The following PTPRQ variants were observed in gnomAD, a reference collection of about 807,000 sequenced individuals.
PTPRQ encodes the protein phosphatidylinositol phosphatase PTPRQ.
In PTPRQ, 199 loss-of-function variants were observed where a neutral mutation model predicts 246.0. The observed-to-expected ratio is 0.81, with a 90% CI of 0.72 to 0.91. The LOEUF is 0.91. Among genes scored for constraint, PTPRQ ranks in the 40% least tolerant of loss-of-function variants. PTPRQ has a pLI of 0.00. For missense variants in PTPRQ, 2,624 were observed against 2,528.4 expected (o/e 1.04, Z -0.81); for synonymous variants, 869 against 853.2 (o/e 1.02, Z -0.32).
At chr12:80,527,008 C>T (rs1334477596) in intron 17 of PTPRQ, among the ~76,000 whole-genome samples, 1 of 151,932 alleles carries the variant, frequency 6.6e-6, no homozygotes, top group African/African-American at 2.4e-5. Flanking sequence ...GACATTCCAC[C>T]ACTGATTATA....
intron 8 of PTPRQ, among the ~76,000 whole-genome samples, chr12:80,481,624 C>A (rs1360526907): frequency 6.6e-6 from 1 of 152,056 alleles, no homozygotes; most frequent in African/African-American, 2.4e-5. Flanking sequence ...ATCTAGAAAA[C>A]CCCATTGTCT....
At chr12:80,639,771 C>T (rs867040144) in intron 35 of PTPRQ, among the ~76,000 whole-genome samples, 8 of 152,216 alleles carry the variant, frequency 5.3e-5, no homozygotes, top group Middle Eastern at 6.8e-3. Flanking sequence ...AATACTACCC[C>T]GGTCTACTTT....
intron 26 of PTPRQ, among the ~76,000 whole-genome samples, chr12:80,594,214 T>C (rs1281471062): frequency 1.3e-5 from 2 of 152,224 alleles, no homozygotes; most frequent in African/African-American, 4.8e-5. Context: ...AATACACTTA[T>C]GTGATAAGTG....
At chr12:80,471,502 G>A (rs1893628743) in intron 7 of PTPRQ, among the ~76,000 whole-genome samples, 1 of 5,448 alleles carries the variant, frequency 1.8e-4, no homozygotes, top group Non-Finnish European at 5.0e-4. Context: ...ATTTGAGACA[G>A]AGTCTCGCTC....
intron 10 of PTPRQ, among the ~76,000 whole-genome samples, chr12:80,493,906 T>C (rs1001500142): frequency 6.6e-6 from 1 of 152,052 alleles, no homozygotes; most frequent in African/African-American, 2.4e-5. Context: ...GATGTGGTGA[T>C]GTCATTAGTG....
Position 80,516,682 on chromosome 12 carries a change from A to G in PTPRQ, c.2678+6239A>G, listed in dbSNP as rs1275778028. Among the ~76,000 whole-genome samples the G allele has an allele frequency of 4.6e-5, 7 of 152,210 alleles. No homozygotes were observed. The South Asian group carries it at 1.2e-3, about 27-fold the overall frequency. On this transcript the variant is annotated intron_variant, in intron 17 of 44. Coordinates refer to ENST00000644991, the MANE Select transcript of PTPRQ (RefSeq NM_001145026.2). The stretch of plus-strand genomic sequence containing the variant: ...AATCCTAAAAAAGTATACCTACTCT[A>G]GTTTCTCCAAGTTTTCTAAAAGATT...
chr12:80,472,296 A>C (rs1013294203), intron 8 of PTPRQ, 45 bp downstream of exon 8: 37 of 1,540,756 alleles, frequency 2.4e-5, no homozygotes, highest in Non-Finnish European at 2.9e-5. Flanking sequence ...TATGCTTATG[A>C]ACTTCATGAA....
rs565586502 is a variant in PTPRQ, at chr12:80,641,437, T to TC, written c.5915+6366dup. Reference sequence around the variant, plus strand: ...CTATAAGGCTGAATGGGGCCAAAGCTCCTGATAGTCTGGTTAACCATGAAT... The same window carrying TC: ...CTATAAGGCTGAATGGGGCCAAAGCTCCCTGATAGTCTGGTTAACCATGAAT... On this transcript the variant is annotated intron_variant, in intron 35 of 44. Transcript: ENST00000644991. Among the ~76,000 whole-genome samples the TC allele has an allele frequency of 1.4e-3, 212 of 152,230 alleles. 1 individual carries two copies. The highest frequency in any genetic ancestry group is 2.6e-3 in the Non-Finnish European group (174 of 68,012).
chr12:80,478,901 T>C (rs1893925078), intron 8 of PTPRQ, among the ~76,000 whole-genome samples: 1 of 152,172 alleles, frequency 6.6e-6, no homozygotes, highest in Admixed American at 6.5e-5. Context: ...TACGTCTGAT[T>C]GGTGTACCTG....
At chr12:80,570,597 A>G (rs1897117398) in intron 25 of PTPRQ, among the ~76,000 whole-genome samples, 2 of 152,082 alleles carry the variant, frequency 1.3e-5, no homozygotes, top group African/African-American at 4.8e-5. Context: ...ATTGTATCCC[A>G]TTTGTCAATT....
In PTPRQ at chr12:80,484,522, A is replaced by T; in HGVS notation, c.1276A>T (p.Ile426Phe). 1 of 1,551,424 alleles carries T rather than the reference A, an allele frequency of 6.4e-7. No homozygotes were observed. Among genetic ancestry groups the T allele is most frequent in the Non-Finnish European group, 8.7e-7 (1 of 1,146,880 alleles). ...TWKKPRQPNG[I>F]INQYRVKVLV... The stretch of plus-strand genomic sequence containing the variant: ...GAAGAAACCACGACAACCAAATGGA[A>T]TTATTAACCAATACCGAGTGAAAGT... The change falls in exon 9 of 45, where the codon ATT becomes TTT. Residue 426 changes from isoleucine to phenylalanine, a missense_variant. By Grantham distance (21) the Ile-to-Phe change is conservative. Coordinates refer to ENST00000644991, the MANE Select transcript of PTPRQ (RefSeq NM_001145026.2).
chr12:80,663,604 G>C (rs1163009), intron 39 of PTPRQ, among the ~76,000 whole-genome samples: 1 of 151,458 alleles, frequency 6.6e-6, no homozygotes, highest in Non-Finnish European at 1.5e-5. Context: ...ATTTCACTCC[G>C]GGATCACTGC....
In PTPRQ at chr12:80,493,289, C is replaced by T. The variant is rs1437748538; in HGVS notation, c.1374C>T (p.Pro458=). The part of the protein sequence containing the change: ...LTGNNEYIND[P]MAPEIVNIVE... ...TTTAATTACAGTATATAAATGACCCCATGGCTCCAGAAATTGTGAACATAG... is the reference window on the plus strand; with the variant it reads ...TTTAATTACAGTATATAAATGACCCTATGGCTCCAGAAATTGTGAACATAG... The change falls in exon 10 of 45, where the codon CCC becomes CCT. Residue 458 remains proline (P), a synonymous_variant. Coordinates refer to ENST00000644991, the MANE Select transcript of PTPRQ (RefSeq NM_001145026.2). 6.5e-7 allele frequency: 1 copy of T among 1,535,908 alleles called. No homozygotes were observed. Among genetic ancestry groups the T allele is most frequent in the South Asian group, 1.2e-5 (1 of 80,960 alleles).
At chr12:80,616,091 ATATAAC>A in intron 29 of PTPRQ, 103 bp from the exon 30 acceptor site, 1 of 555,994 alleles carries the variant, frequency 1.8e-6, no homozygotes, top group Non-Finnish European at 2.5e-6. Context: ...ATATATATAT[ATATAAC>A]TATATATATA....
intron 8 of PTPRQ, among the ~76,000 whole-genome samples, chr12:80,482,326 A>G (rs1417485720): frequency 6.6e-6 from 1 of 152,064 alleles, no homozygotes; most frequent in East Asian, 1.9e-4. Flanking sequence ...AGCCATATGT[A>G]GAAAGCTGAA....
chr12:80,449,182 A>T (rs1004480089), intron 3 of PTPRQ, among the ~76,000 whole-genome samples: 38 of 151,082 alleles, frequency 2.5e-4, no homozygotes, highest in African/African-American at 8.5e-4. Context: ...TCTTTTGAGA[A>T]GTGTCTGTTC....
In PTPRQ at chr12:80,624,796, G is replaced by T. The variant is rs141225816; in HGVS notation, c.5686+2662G>T. 2.0e-3 allele frequency among the ~76,000 whole-genome samples: 299 copies of T among 152,268 alleles called. 3 individuals carry two copies. The highest frequency in any genetic ancestry group is 7.0e-3 in the African/African-American group (292 of 41,554). On this transcript the variant is annotated intron_variant, in intron 33 of 44. Coordinates refer to ENST00000644991, the MANE Select transcript of PTPRQ (RefSeq NM_001145026.2). ...GACATTGATAGAACGCTGTAGATCA[G>T]GGGTGTCCAATCTATTGGCTTTTCT...
At chr12:80,598,159 T>C (rs147791088) in intron 26 of PTPRQ, among the ~76,000 whole-genome samples, 7 of 152,156 alleles carry the variant, frequency 4.6e-5, no homozygotes, top group African/African-American at 1.7e-4. Context: ...GAATCTAATC[T>C]GACAAATTCT....
intron 8 of PTPRQ, among the ~76,000 whole-genome samples, chr12:80,481,121 C>A (rs1894033379): frequency 6.6e-6 from 1 of 152,080 alleles, no homozygotes; most frequent in Non-Finnish European, 1.5e-5. Flanking sequence ...TGCAAAAATC[C>A]TCAGTAAAAT....
Sources: allele counts gnomAD v4.1 joint callset (sites outside exome capture counted in the v4.1 genomes callset), GRCh38; gene constraint gnomAD v4.1.1; transcripts MANE v1.5; gene names NCBI Gene and HGNC (gene_info 2026-07-23, HGNC 2026-07-21).